Variants in GKAP1 observed in about 807,000 individuals in gnomAD.
GKAP1 encodes G kinase anchoring protein 1.
GKAP1 carries 31 observed loss-of-function variants against 56.7 expected under a neutral mutation model. The ratio of observed to expected loss-of-function variants is 0.55; its 90% confidence interval spans 0.41 to 0.74. GKAP1 has a LOEUF of 0.74. Among genes scored for constraint, GKAP1 ranks in the 30% least tolerant of loss-of-function variants. GKAP1 has a pLI of 0.00. For synonymous variants in GKAP1, 151 were observed against 138.6 expected, an observed-to-expected ratio of 1.09 and a Z score of -0.63; for missense variants, 364 against 402.3, an observed-to-expected ratio of 0.90 and a Z score of 0.82.
At position 83,799,213 on chromosome 9, in the gene GKAP1, C is replaced by CA; in HGVS notation, c.331dup (p.Trp111LeufsTer9). On this transcript the variant is annotated frameshift_variant, in exon 4 of 13. Coordinates refer to ENST00000376371, the MANE Select transcript of GKAP1 (RefSeq NM_025211.4). LOFTEE classifies it high-confidence loss of function. The stretch of plus-strand genomic sequence containing the variant: ...CTCATCTCTTTGTCTCCACTCTTGC[C>CA]AATTTTCTTCTCGTGAATCCTTCTG... The CA allele has an allele frequency of 6.2e-7, 1 of 1,613,382 alleles. No homozygotes were observed. The highest frequency in any genetic ancestry group is 8.5e-7 in the Non-Finnish European group (1 of 1,179,712).
Position 83,802,044 on chromosome 9 carries a change from G to A in GKAP1, c.217-2716C>T, listed in dbSNP as rs11140255. Among the ~76,000 whole-genome samples the A allele has an allele frequency of 1.7e-3, 254 of 152,126 alleles. 2 individuals are homozygous for A. The highest frequency in any genetic ancestry group is 5.9e-3 in the African/African-American group (243 of 41,492). On this transcript the variant is annotated intron_variant, in intron 3 of 12. Coordinates refer to ENST00000376371, the MANE Select transcript of GKAP1 (RefSeq NM_025211.4). ...AAAGAAAGGTCCTTATATACCCAAC[G>A]GCTCCTTCTATTAAACAAAACACAT...
In GKAP1 at chr9:83,794,585, G is replaced by C. The variant is rs986388697; in HGVS notation, c.360+4600C>G. Among the ~76,000 whole-genome samples the C allele has an allele frequency of 1.5e-4, 23 of 152,280 alleles. No homozygotes were observed. In the East Asian group the frequency reaches 3.1e-3, roughly 20 times the overall value. Reference sequence around the variant, plus strand: ...TAACAGACATGTCACTTCAGAGTGAGAAAAATACCAGTGACGTGTAGAGTT... The same window carrying C: ...TAACAGACATGTCACTTCAGAGTGACAAAAATACCAGTGACGTGTAGAGTT... On this transcript the variant is annotated intron_variant, in intron 4 of 12. Coordinates refer to ENST00000376371, the MANE Select transcript of GKAP1 (RefSeq NM_025211.4).
intron 8 of GKAP1, among the ~76,000 whole-genome samples, chr9:83,761,775 C>T (rs1028770843): frequency 6.6e-6 from 1 of 152,162 alleles, no homozygotes; most frequent in Non-Finnish European, 1.5e-5. Context: ...CAATGTGATA[C>T]ATCATATCAA....
intron 7 of GKAP1, among the ~76,000 whole-genome samples, chr9:83,773,638 C>T (rs1054198481): frequency 5.9e-5 from 9 of 152,118 alleles, no homozygotes; most frequent in African/African-American, 1.9e-4. Flanking sequence ...CTTCGTGCCT[C>T]GACAAGGTAA....
chr9:83,791,260 G>A (rs1377918593), intron 4 of GKAP1, among the ~76,000 whole-genome samples: 3 of 151,826 alleles, frequency 2.0e-5, no homozygotes, highest in Admixed American at 6.6e-5. Flanking sequence ...AAAATTAGCC[G>A]GACGTGGTGG....
In GKAP1 at chr9:83,759,201, TTAAAG is replaced by T. The variant is rs543149208; in HGVS notation, c.739-5847_739-5843del. 3.3e-5 allele frequency among the ~76,000 whole-genome samples: 5 copies of T among 152,350 alleles called. No individual in the cohort carries two copies. In the East Asian group the frequency reaches 7.7e-4, roughly 23 times the overall value. Reference sequence around the variant, plus strand: ...CAGATTTTGTCGTTCTTTTCCTTTGTTAAAGTATTTTACTACATGTATATGAAGCC... The same window carrying T: ...CAGATTTTGTCGTTCTTTTCCTTTGTTATTTTACTACATGTATATGAAGCC... On this transcript the variant is annotated intron_variant, in intron 8 of 12. Transcript: ENST00000376371.
At chr9:83,788,150 C>G (rs538001040) in intron 5 of GKAP1, among the ~76,000 whole-genome samples, 1 of 152,036 alleles carries the variant, frequency 6.6e-6, no homozygotes, top group South Asian at 2.1e-4. Context: ...TGGTGGCTCA[C>G]GCCTGTAGTC....
intron 5 of GKAP1, among the ~76,000 whole-genome samples, chr9:83,786,622 T>C (rs1944068750): frequency 6.6e-6 from 1 of 152,202 alleles, no homozygotes; most frequent in Non-Finnish European, 1.5e-5. Context: ...ATAAAAATCC[T>C]TAGGCTAAAA....
chr9:83,754,949 G>T (rs76891910), intron 8 of GKAP1, among the ~76,000 whole-genome samples: 17,396 of 152,218 alleles, frequency 0.11, 1,118 homozygotes, highest in Non-Finnish European at 0.14. Context: ...TTATGCTTTG[G>T]ATTAGGGTGA....
At chr9:83,770,010 G>A (rs569952970) in intron 7 of GKAP1, among the ~76,000 whole-genome samples, 1 of 152,260 alleles carries the variant, frequency 6.6e-6, no homozygotes, top group African/African-American at 2.4e-5. Flanking sequence ...TATCTTTTTG[G>A]AGAAATGTCT....
intron 4 of GKAP1, among the ~76,000 whole-genome samples, chr9:83,790,089 A>C (rs1048695910): frequency 3.9e-5 from 6 of 152,224 alleles, no homozygotes; most frequent in African/African-American, 1.4e-4. Context: ...ATTTCTAAGC[A>C]AAGTCATCCC....
chr9:83,754,052 A>G (rs529137446), intron 8 of GKAP1, among the ~76,000 whole-genome samples: 2 of 152,228 alleles, frequency 1.3e-5, no homozygotes, highest in Non-Finnish European at 2.9e-5. Context: ...TGATGAAGAA[A>G]GATTTGTCTA....
chr9:83,748,414 G>A, intron 9 of GKAP1, 42 bp from the exon 10 acceptor site: 1 of 1,127,060 alleles, frequency 8.9e-7, no homozygotes, highest in African/African-American at 1.6e-5. Context: ...TTAAAAGTAA[G>A]TGATATAATT....
At chr9:83,791,328 A>G (rs1478828887) in intron 4 of GKAP1, among the ~76,000 whole-genome samples, 3 of 151,914 alleles carry the variant, frequency 2.0e-5, no homozygotes, top group Admixed American at 1.3e-4. Context: ...GTGTGAACCC[A>G]GGAGGCGGAG....
chr9:83,795,812 C>T (rs1340203559), intron 4 of GKAP1, among the ~76,000 whole-genome samples: 3 of 152,060 alleles, frequency 2.0e-5, no homozygotes, highest in African/African-American at 7.2e-5. Context: ...CCTTGGCCTC[C>T]TAAAGTGCTG....
chr9:83,796,549 C>T (rs981370669), intron 4 of GKAP1, among the ~76,000 whole-genome samples: 1 of 152,132 alleles, frequency 6.6e-6, no homozygotes, highest in Non-Finnish European at 1.5e-5. Context: ...TGGCTCACAA[C>T]CTCTGCCTCC....
intron 4 of GKAP1, among the ~76,000 whole-genome samples, chr9:83,790,735 C>T (rs1944143415): frequency 6.6e-6 from 1 of 152,058 alleles, no homozygotes; most frequent in African/African-American, 2.4e-5. Flanking sequence ...ATCGCTTAAA[C>T]CCAGAGGCGG....
intron 7 of GKAP1, among the ~76,000 whole-genome samples, chr9:83,779,595 G>GTA (rs761692039): frequency 1.4e-4 from 12 of 86,722 alleles, no homozygotes; most frequent in East Asian, 1.2e-3. Context: ...ACGTATATGT[G>GTA]TATATATATA....
chr9:83,777,907 T>C (rs1282699564), intron 7 of GKAP1, among the ~76,000 whole-genome samples: 1 of 152,200 alleles, frequency 6.6e-6, no homozygotes, highest in Non-Finnish European at 1.5e-5. Flanking sequence ...AGATCAATGG[T>C]ATAACCGTTG....
Sources: gnomAD v4.1 joint callset for allele counts (sites outside exome capture counted in the v4.1 genomes callset) on GRCh38, gnomAD v4.1.1 for gene constraint, MANE v1.5 for transcripts, NCBI Gene and HGNC (gene_info 2026-07-23, HGNC 2026-07-21) for gene names.